The following DAPP1 variants were observed in gnomAD, a reference collection of about 807,000 sequenced individuals.
DAPP1 encodes dual adaptor of phosphotyrosine and 3-phosphoinositides 1.
Under a neutral mutation model 41.5 loss-of-function variants are expected in DAPP1, and 20 were observed. The ratio of observed to expected loss-of-function variants is 0.48; its 90% CI spans 0.34 to 0.70. The LOEUF (loss-of-function observed/expected upper bound fraction) is 0.70. Among genes scored for constraint, DAPP1 ranks in the 30% least tolerant of loss-of-function variants. The pLI is 0.01. For missense variants in DAPP1, 233 were observed against 333.4 expected, an observed-to-expected ratio of 0.70 and a Z score of 2.35; for synonymous variants, 113 against 116.2, an observed-to-expected ratio of 0.97 and a Z score of 0.18.
At chr4:99,831,308 C>T (rs1560690805) in intron 1 of DAPP1, among the ~76,000 whole-genome samples, 1 of 152,134 alleles carries the variant, frequency 6.6e-6, no homozygotes, top group Non-Finnish European at 1.5e-5. Context: ...TAATTGACAT[C>T]ATGAACAAGA....
chr4:99,839,198 G>A (rs534013567), intron 2 of DAPP1, among the ~76,000 whole-genome samples: 1 of 71,734 alleles, frequency 1.4e-5, no homozygotes, highest in Admixed American at 1.2e-4. Context: ...AATCTGCAGG[G>A]GTGGAGGTGG....
chr4:99,854,737 G>A (rs1723986332), intron 4 of DAPP1, among the ~76,000 whole-genome samples: 1 of 152,252 alleles, frequency 6.6e-6, no homozygotes, highest in African/African-American at 2.4e-5. Flanking sequence ...CTGGTATCAC[G>A]GATCATTATC....
intron 1 of DAPP1, 24 bp downstream of exon 1, chr4:99,817,038 A>G: frequency 4.5e-6 from 7 of 1,561,340 alleles, no homozygotes; most frequent in Non-Finnish European, 6.1e-6. Flanking sequence ...TCTCCTTTCA[A>G]AGTACCTAGT....
chr4:99,847,497 G>A (rs1011513050), intron 3 of DAPP1, among the ~76,000 whole-genome samples: 9 of 152,140 alleles, frequency 5.9e-5, no homozygotes, highest in Admixed American at 3.9e-4. Flanking sequence ...ACATACCTCC[G>A]CTAAGCATGG....
At chr4:99,828,376 G>T (rs28483260) in intron 1 of DAPP1, among the ~76,000 whole-genome samples, 11,461 of 152,098 alleles carry the variant, frequency 0.075, 494 homozygotes, top group Middle Eastern at 0.14. Flanking sequence ...TTTGTTTTTT[G>T]TGCGTCTTTG....
intron 2 of DAPP1, among the ~76,000 whole-genome samples, chr4:99,836,165 C>T (rs1305103425): frequency 1.3e-5 from 2 of 152,198 alleles, no homozygotes; most frequent in Non-Finnish European, 2.9e-5. Context: ...GTCACAACCT[C>T]AAGGAGGCAA....
At chr4:99,853,159 G>A (rs1723924275) in intron 3 of DAPP1, 59 bp from the exon 4 acceptor site, 2 of 1,591,856 alleles carry the variant, frequency 1.3e-6, no homozygotes, top group South Asian at 2.2e-5. Flanking sequence ...TATCCAGTTA[G>A]CATTTGGACC....
At chr4:99,841,286 C>A (rs1421023832) in intron 3 of DAPP1, among the ~76,000 whole-genome samples, 1 of 152,164 alleles carries the variant, frequency 6.6e-6, no homozygotes, top group Non-Finnish European at 1.5e-5. Context: ...GAAGAGATGG[C>A]ATCATTGGCT....
intron 1 of DAPP1, among the ~76,000 whole-genome samples, chr4:99,828,092 A>T (rs1460377643): frequency 6.6e-6 from 1 of 152,212 alleles, no homozygotes; most frequent in African/African-American, 2.4e-5. Flanking sequence ...CATTAGCAAT[A>T]TGTAGGCAAA....
Position 99,866,104 on chromosome 4 carries a change from A to G in DAPP1, c.757A>G (p.Ile253Val). The change falls in exon 8 of 9, where the codon ATA (isoleucine) becomes GTA (valine). Residue 253 changes from isoleucine to valine, a missense_variant. Ile to Val is a conservative substitution (Grantham distance 29). Coordinates refer to ENST00000512369, the MANE Select transcript of DAPP1 (RefSeq NM_014395.3). ...TGVEADEWIK[I>V]LRWKLSQIRK... The stretch of plus-strand genomic sequence containing the variant: ...AGTAGAAGCTGATGAGTGGATCAAG[A>G]TATTACGCTGGAAATTGGTGAGAAT... 1 of 1,599,734 alleles carries G rather than the reference A, an allele frequency of 6.3e-7. No homozygotes were observed. The highest frequency in any genetic ancestry group is 1.1e-5 in the South Asian group (1 of 90,572).
intron 3 of DAPP1, among the ~76,000 whole-genome samples, chr4:99,845,543 G>T (rs1723639772): frequency 6.6e-6 from 1 of 152,200 alleles, no homozygotes; most frequent in African/African-American, 2.4e-5. Context: ...ATGATTGTAG[G>T]ATATGGCAGG....
rs979872319 is a variant in DAPP1 at position 99,830,640 on chromosome 4, A to C, written c.102-4983A>C. ...CTACATGATATTCTGATTCTCATAC[A>C]CGCCTTGCATTCTCTCACTTCTAGG... On this transcript the variant is annotated intron_variant, in intron 1 of 8. Coordinates refer to ENST00000512369, the MANE Select transcript of DAPP1 (RefSeq NM_014395.3). Among the ~76,000 whole-genome samples the C allele has an allele frequency of 7.2e-5, 11 of 152,188 alleles. No individual in the cohort carries two copies. In the East Asian group the frequency reaches 2.1e-3, roughly 29 times the overall value.
At chr4:99,826,421 T>C (rs1258969748) in intron 1 of DAPP1, among the ~76,000 whole-genome samples, 1 of 152,258 alleles carries the variant, frequency 6.6e-6, no homozygotes, top group African/African-American at 2.4e-5. Flanking sequence ...CACTTTGCGT[T>C]GAAATATATG....
At chr4:99,819,657 G>A (rs1722701141) in intron 1 of DAPP1, among the ~76,000 whole-genome samples, 2 of 142,382 alleles carry the variant, frequency 1.4e-5, no homozygotes, top group Non-Finnish European at 3.2e-5. Flanking sequence ...ATGATTTAAT[G>A]TAATGGATAG....
chr4:99,856,095 A>G (rs1469839036), intron 4 of DAPP1, among the ~76,000 whole-genome samples: 1 of 152,016 alleles, frequency 6.6e-6, no homozygotes, highest in Admixed American at 6.6e-5. Flanking sequence ...TATTAAACAA[A>G]CTTTTTTTTT....
intron 3 of DAPP1, among the ~76,000 whole-genome samples, chr4:99,847,716 A>G (rs1468856860): frequency 6.6e-6 from 1 of 152,208 alleles, no homozygotes; most frequent in Non-Finnish European, 1.5e-5. Flanking sequence ...TCAGTAACCC[A>G]GGGTCCCTTT....
chr4:99,859,609 C>T (rs1724167734), intron 4 of DAPP1, among the ~76,000 whole-genome samples: 1 of 152,144 alleles, frequency 6.6e-6, no homozygotes, highest in East Asian at 1.9e-4. Context: ...ATCCTCAGTA[C>T]ACTTATGTGG....
At chr4:99,845,423 T>A (rs1190260265) in intron 3 of DAPP1, among the ~76,000 whole-genome samples, 1 of 152,236 alleles carries the variant, frequency 6.6e-6, no homozygotes, top group African/African-American at 2.4e-5. Context: ...TCCAGGCACC[T>A]TGCTATCTCT....
chr4:99,834,312 C>T (rs1158162609), intron 1 of DAPP1, among the ~76,000 whole-genome samples: 1 of 152,050 alleles, frequency 6.6e-6, no homozygotes, highest in Non-Finnish European at 1.5e-5. Flanking sequence ...CCAAGGTGTC[C>T]TCTAGGAAAG....
Sources: allele counts gnomAD v4.1 joint callset (sites outside exome capture counted in the v4.1 genomes callset), GRCh38; gene constraint gnomAD v4.1.1; transcripts MANE v1.5; gene names NCBI Gene and HGNC (gene_info 2026-07-23, HGNC 2026-07-21).